The following LAMA2 variants were observed in gnomAD, a reference collection of about 807,000 sequenced individuals.
The protein encoded by LAMA2 is laminin subunit alpha-2.
A neutral mutation model predicts 364.8 loss-of-function variants in LAMA2; 269 were observed. The observed-to-expected ratio is 0.74, with a 90% confidence interval of 0.67 to 0.82. The LOEUF is 0.82. Among genes scored for constraint, LAMA2 ranks in the 40% least tolerant of loss-of-function variants. The probability of loss-of-function intolerance (pLI) is 0.00; values close to 1 mark genes in which losing one functional copy is unlikely to be tolerated. For synonymous variants in LAMA2, 1,379 were observed against 1,370.6 expected (o/e 1.01, Z -0.14); for missense variants, 3,807 against 3,873.2 (o/e 0.98, Z 0.45).
At chr6:129,006,853 T>C (rs1784470257) in intron 1 of LAMA2, among the ~76,000 whole-genome samples, 1 of 152,150 alleles carries the variant, frequency 6.6e-6, no homozygotes, top group Admixed American at 6.5e-5. Flanking sequence ...CATGCTGGAC[T>C]CTGCAGTTGC....
At chr6:129,133,752 T>C (rs550611399) in intron 4 of LAMA2, among the ~76,000 whole-genome samples, 13 of 152,326 alleles carry the variant, frequency 8.5e-5, no homozygotes, top group African/African-American at 3.1e-4. Context: ...TGGAGGCTGC[T>C]AGTAGCTATC....
At chr6:128,950,750 A>C in intron 1 of LAMA2, among the ~76,000 whole-genome samples, 1 of 152,132 alleles carries the variant, frequency 6.6e-6, no homozygotes, top group Non-Finnish European at 1.5e-5. Flanking sequence ...ATAATAATAC[A>C]TCATATATAA....
Position 129,143,908 on chromosome 6 carries a change from T to G in LAMA2, c.647T>G (p.Ile216Ser). ...ATTTTTCATATTGTGTAGATTCACA[T>G]CTCTTTAATCAATGGGAGACCAAGT... is the stretch of plus-strand genomic sequence containing the variant. ...IHPLENGEIH[I>S]SLINGRPSAD... Residue 216 changes from isoleucine to serine, a missense_variant, in exon 5 of 65, where the codon ATC becomes AGC. Physicochemically the swap from Ile to Ser is moderately radical, Grantham distance 142. Transcript: ENST00000421865. 2 of 1,597,212 alleles carry G rather than the reference T, an allele frequency of 1.3e-6. No individual in the cohort carries two copies. The highest frequency in any genetic ancestry group is 1.7e-6 in the Non-Finnish European group (2 of 1,165,160).
At chr6:129,345,785 A>G (rs945848171) in intron 30 of LAMA2, among the ~76,000 whole-genome samples, 25 of 152,206 alleles carry the variant, frequency 1.6e-4, no homozygotes, top group African/African-American at 6.0e-4. Flanking sequence ...AACCTACTCA[A>G]TGGATTTCAT....
At chr6:129,138,018 T>TA (rs1243496909) in intron 4 of LAMA2, among the ~76,000 whole-genome samples, 25 of 152,054 alleles carry the variant, frequency 1.6e-4, no homozygotes, top group Non-Finnish European at 2.8e-4. Context: ...TTTAAAGATA[T>TA]ATAAAGTACA....
chr6:129,329,412 G>A (rs1775492375), intron 29 of LAMA2, among the ~76,000 whole-genome samples: 1 of 151,888 alleles, frequency 6.6e-6, no homozygotes, highest in Non-Finnish European at 1.5e-5. Flanking sequence ...CGTGCAGGCT[G>A]GAGGGCAGTG....
chr6:129,067,547 C>G (rs1789452752), intron 3 of LAMA2, among the ~76,000 whole-genome samples: 1 of 152,186 alleles, frequency 6.6e-6, no homozygotes, highest in Non-Finnish European at 1.5e-5. Flanking sequence ...TCACATAACA[C>G]TTTCCACTAA....
intron 15 of LAMA2, among the ~76,000 whole-genome samples, chr6:129,262,754 G>C (rs575126245): frequency 6.6e-6 from 1 of 152,064 alleles, no homozygotes; most frequent in South Asian, 2.1e-4. Flanking sequence ...AGTGTAGTTT[G>C]TAAGGCCAGT....
intron 50 of LAMA2, 56 bp downstream of exon 50, chr6:129,464,508 A>G: frequency 3.6e-6 from 5 of 1,371,436 alleles, no homozygotes; most frequent in Non-Finnish European, 3.1e-6. Context: ...TGCTTCTTTT[A>G]TCAGTTATTG....
intron 51 of LAMA2, among the ~76,000 whole-genome samples, chr6:129,466,107 T>G (rs756167372): frequency 1.3e-5 from 2 of 151,960 alleles, no homozygotes; most frequent in Non-Finnish European, 2.9e-5. Flanking sequence ...GTACCGTCTT[T>G]CATTTCTGCA....
intron 14 of LAMA2, among the ~76,000 whole-genome samples, chr6:129,258,748 A>T (rs138365742): frequency 2.1e-4 from 32 of 152,194 alleles, no homozygotes; most frequent in African/African-American, 7.7e-4. Context: ...TGTGAATTTC[A>T]TCTAAACTAA....
At chr6:129,224,513 A>G (rs1562350846) in intron 12 of LAMA2, among the ~76,000 whole-genome samples, 3 of 152,172 alleles carry the variant, frequency 2.0e-5, no homozygotes, top group African/African-American at 7.2e-5. Context: ...ATTTTGAGAT[A>G]CATCCCATCA....
chr6:129,016,163 A>G (rs1251186953), intron 1 of LAMA2, among the ~76,000 whole-genome samples: 2 of 152,242 alleles, frequency 1.3e-5, no homozygotes, highest in African/African-American at 4.8e-5. Context: ...TAATAGACCA[A>G]GCACCATTAT....
rs373866593 is a variant in LAMA2, at chr6:129,059,857, C to T, written c.357C>T (p.Ile119=). ...WWQSPSIKNG[I]EYHYVTITLD... is the part of the protein sequence containing the mutation. ...AGAGTCCCAGTATTAAGAATGGAAT[C>T]GAATACCATTATGTGACAATTACCC... The change falls in exon 3 of 65, where the codon ATC becomes ATT. Residue 119 remains isoleucine, a synonymous_variant. Coordinates refer to ENST00000421865, the MANE Select transcript of LAMA2 (RefSeq NM_000426.4). 20 of 1,601,590 alleles carry T rather than the reference C, an allele frequency of 1.2e-5. No homozygotes were observed. The highest frequency in any genetic ancestry group is 1.6e-4 in the Middle Eastern group (1 of 6,066).
chr6:129,048,149 C>T (rs1406627620), intron 1 of LAMA2, among the ~76,000 whole-genome samples: 1 of 152,164 alleles, frequency 6.6e-6, no homozygotes, highest in East Asian at 1.9e-4. Context: ...TGGCACATTG[C>T]AAACATTCAA....
chr6:129,079,352 A>G (rs1773882315), intron 3 of LAMA2, among the ~76,000 whole-genome samples: 1 of 151,950 alleles, frequency 6.6e-6, no homozygotes, highest in Admixed American at 6.6e-5. Context: ...AGAAAAATAC[A>G]TTGTATATAT....
At chr6:129,372,487 T>C (rs1255504802) in intron 34 of LAMA2, among the ~76,000 whole-genome samples, 1 of 152,252 alleles carries the variant, frequency 6.6e-6, no homozygotes, top group Non-Finnish European at 1.5e-5. Context: ...GCTCATTTCT[T>C]TGTAGTGTTG....
At chr6:129,243,784 G>C (rs763497047) in intron 12 of LAMA2, among the ~76,000 whole-genome samples, 3 of 151,976 alleles carry the variant, frequency 2.0e-5, no homozygotes, top group Admixed American at 1.3e-4. Context: ...ATTAATGCAC[G>C]TGTGAAAGGA....
chr6:129,378,355 T>C (rs79590430), intron 34 of LAMA2, among the ~76,000 whole-genome samples: 4,694 of 152,256 alleles, frequency 0.031, 213 homozygotes, highest in African/African-American at 0.1. Context: ...CTGGGTGAGA[T>C]TGATTTTTGT....
Sources: allele counts gnomAD v4.1 joint callset (sites outside exome capture counted in the v4.1 genomes callset), GRCh38; gene constraint gnomAD v4.1.1; transcripts MANE v1.5; gene names NCBI Gene and HGNC (gene_info 2026-07-23, HGNC 2026-07-21).